The following ELAPOR2 variants were observed in gnomAD, a reference collection of about 807,000 sequenced individuals.
The protein encoded by ELAPOR2 is endosome-lysosome associated apoptosis and autophagy regulator family member 2.
In ELAPOR2, 89 loss-of-function variants were observed where a neutral mutation model predicts 120.7. The observed-to-expected ratio is 0.74, with a 90% CI of 0.62 to 0.88. The LOEUF (loss-of-function observed/expected upper bound fraction) is 0.88, where lower values mean the gene tolerates loss of function less well. ELAPOR2 is among the 40% of genes least tolerant of loss of function. The pLI is 0.00. For synonymous variants in ELAPOR2, 444 were observed against 444.9 expected, an observed-to-expected ratio of 1.00 and a Z score of 0.03; for missense variants, 1,134 against 1,251.6, an observed-to-expected ratio of 0.91 and a Z score of 1.42.
intron 1 of ELAPOR2, among the ~76,000 whole-genome samples, chr7:86,970,437 C>T (rs972476865): frequency 6.6e-6 from 1 of 151,890 alleles, no homozygotes; most frequent in African/African-American, 2.4e-5. Flanking sequence ...TTGATGAGAC[C>T]GCAAATCCTC....
chr7:86,985,869 C>T (rs1037446646), intron 1 of ELAPOR2, among the ~76,000 whole-genome samples: 1 of 151,666 alleles, frequency 6.6e-6, no homozygotes, highest in African/African-American at 2.4e-5. Context: ...TTCCTGTGTC[C>T]ATGTATTCTC....
intron 1 of ELAPOR2, among the ~76,000 whole-genome samples, chr7:86,984,805 A>G (rs919935192): frequency 6.6e-6 from 1 of 152,246 alleles, no homozygotes; most frequent in Non-Finnish European, 1.5e-5. Context: ...CACATTCAAA[A>G]GCTAGCAAAA....
At position 87,036,542 on chromosome 7, in the gene ELAPOR2, T is replaced by C. The variant is rs532656194; in HGVS notation, c.189+22783A>G. The stretch of plus-strand genomic sequence containing the variant: ...GTCATGGAAGCAAGCTAGGTGACCA[T>C]CATTGGTGGATTAGATAAAGAAAAT... On this transcript the variant is annotated intron_variant, in intron 1 of 21. Transcript: ENST00000450689. Among the ~76,000 whole-genome samples, 5 of 152,238 alleles carry C rather than the reference T, an allele frequency of 3.3e-5. No individual in the cohort carries two copies. In the South Asian group the frequency reaches 6.2e-4, roughly 19 times the overall value.
chr7:86,931,701 C>T (rs865944565), intron 8 of ELAPOR2, among the ~76,000 whole-genome samples: 1 of 151,448 alleles, frequency 6.6e-6, no homozygotes, highest in Non-Finnish European at 1.5e-5. Context: ...AGAACCAGTC[C>T]CTGTATACAG....
chr7:86,892,561 G>C (rs1788215770), intron 20 of ELAPOR2, among the ~76,000 whole-genome samples: 1 of 151,952 alleles, frequency 6.6e-6, no homozygotes, highest in Non-Finnish European at 1.5e-5. Context: ...TAAAAGAAAA[G>C]GTGAAGGAAG....
intron 21 of ELAPOR2, among the ~76,000 whole-genome samples, chr7:86,889,722 T>A (rs541385848): frequency 6.6e-6 from 1 of 151,984 alleles, no homozygotes; most frequent in African/African-American, 2.4e-5. Flanking sequence ...AGTAAGACCA[T>A]GAAAAGTGAA....
intron 1 of ELAPOR2, among the ~76,000 whole-genome samples, chr7:86,976,471 C>A (rs1190559871): frequency 6.6e-6 from 1 of 152,134 alleles, no homozygotes; most frequent in Non-Finnish European, 1.5e-5. Context: ...ATAGCAAAGG[C>A]ATGGAGAGCT....
intron 2 of ELAPOR2, among the ~76,000 whole-genome samples, chr7:86,963,703 T>A (rs1359449358): frequency 1.3e-5 from 2 of 152,226 alleles, no homozygotes; most frequent in Non-Finnish European, 2.9e-5. Context: ...GCTAATTACA[T>A]AGGTATGATT....
chr7:86,952,923 T>C (rs1417568908), intron 2 of ELAPOR2, among the ~76,000 whole-genome samples: 1 of 151,908 alleles, frequency 6.6e-6, no homozygotes, highest in Non-Finnish European at 1.5e-5. Flanking sequence ...GGTGAAACCC[T>C]ATCTCTACAA....
chr7:87,058,915 C>A (rs1455324672), intron 1 of ELAPOR2, among the ~76,000 whole-genome samples: 1 of 151,842 alleles, frequency 6.6e-6, no homozygotes, highest in African/African-American at 2.4e-5. Flanking sequence ...GGAGGAGGAG[C>A]GGGAAATCCT....
intron 7 of ELAPOR2, 115 bp downstream of exon 7, chr7:86,938,693 A>C (rs1489338395): frequency 6.2e-6 from 6 of 966,236 alleles, no homozygotes; most frequent in Non-Finnish European, 9.6e-6. Flanking sequence ...TCACTCCAGC[A>C]CTTTGGTTTC....
chr7:87,043,843 C>T (rs199752400), intron 1 of ELAPOR2, among the ~76,000 whole-genome samples: 42 of 151,632 alleles, frequency 2.8e-4, no homozygotes, highest in Non-Finnish European at 4.6e-4. Context: ...GACGACATGA[C>T]TGTATATCTA....
chr7:86,945,120 C>G, intron 3 of ELAPOR2, 74 bp from the exon 4 acceptor site: 1 of 1,368,046 alleles, frequency 7.3e-7, no homozygotes, highest in Non-Finnish European at 1.0e-6. Context: ...CTATGTAACT[C>G]AGATTCACGA....
At chr7:86,997,458 C>T (rs1793163360) in intron 1 of ELAPOR2, among the ~76,000 whole-genome samples, 1 of 152,154 alleles carries the variant, frequency 6.6e-6, no homozygotes, top group Non-Finnish European at 1.5e-5. Context: ...GCCCCAGGAA[C>T]AATTTTAATG....
chr7:87,054,616 C>A (rs1795208127), intron 1 of ELAPOR2, among the ~76,000 whole-genome samples: 1 of 152,208 alleles, frequency 6.6e-6, no homozygotes, highest in Non-Finnish European at 1.5e-5. Context: ...CAGCTGTGCC[C>A]ATCAAGTTCT....
intron 1 of ELAPOR2, among the ~76,000 whole-genome samples, chr7:87,032,324 G>T (rs1311456061): frequency 1.8e-4 from 28 of 152,090 alleles, no homozygotes; most frequent in Admixed American, 1.8e-3. Context: ...TATTAAGTGG[G>T]CTAATATCTG....
intron 1 of ELAPOR2, among the ~76,000 whole-genome samples, chr7:87,029,706 A>C (rs1344157788): frequency 1.3e-5 from 2 of 152,186 alleles, no homozygotes; most frequent in South Asian, 2.1e-4. Context: ...AATTATTCAA[A>C]TGGTTTATAA....
At chr7:87,057,394 G>A (rs1385614926) in intron 1 of ELAPOR2, among the ~76,000 whole-genome samples, 1 of 152,200 alleles carries the variant, frequency 6.6e-6, no homozygotes, top group Non-Finnish European at 1.5e-5. Flanking sequence ...CTACTTCCAA[G>A]AACTTCTAAC....
chr7:86,955,780 A>T (rs1317576069), intron 2 of ELAPOR2, among the ~76,000 whole-genome samples: 1 of 152,046 alleles, frequency 6.6e-6, no homozygotes, highest in Admixed American at 6.6e-5. Context: ...AACCATAAGC[A>T]ACCAAGTTCA....
Sources: allele counts gnomAD v4.1 joint callset (sites outside exome capture counted in the v4.1 genomes callset), GRCh38; gene constraint gnomAD v4.1.1; transcripts MANE v1.5; gene names NCBI Gene and HGNC (gene_info 2026-07-23, HGNC 2026-07-21).